Variants in NUMBL observed in about 807,000 individuals in gnomAD.
NUMBL encodes the protein numb-like protein.
Under a neutral mutation model 48.9 loss-of-function variants are expected in NUMBL, and 20 were observed. The ratio of observed to expected loss-of-function variants is 0.41; its 90% CI spans 0.29 to 0.59. The LOEUF (loss-of-function observed/expected upper bound fraction) is 0.59, where lower values mean the gene tolerates loss of function less well. Among genes scored for constraint, NUMBL ranks in the 20% least tolerant of loss-of-function variants. NUMBL has a pLI of 0.31. For missense variants in NUMBL, 660 were observed against 846.2 expected, an observed-to-expected ratio of 0.78 and a Z score of 2.73; for synonymous variants, 340 against 348.7, an observed-to-expected ratio of 0.98 and a Z score of 0.28.
chr19:40,672,388 C>T (rs2081853004), intron 8 of NUMBL, among the ~76,000 whole-genome samples: 1 of 152,158 alleles, frequency 6.6e-6, no homozygotes, highest in South Asian at 2.1e-4. Flanking sequence ...AAAACAGGAC[C>T]TTTATATCTC....
rs199956156 is a variant in NUMBL, at chr19:40,667,828, A to C, written c.1470T>G (p.Phe490Leu). ...AGCCCAAGCCCGGGTAGGCGGGCAC[A>C]AAAGGGGGCTGCATGTGTGGGGGTG... Reference protein sequence around the residue: ...FLPPPHMQPPFVPAYPGLGYP... With the variant: ...FLPPPHMQPPLVPAYPGLGYP... Residue 490 changes from phenylalanine (F) to leucine (L), a missense_variant, in exon 10 of 10, where the codon TTT (phenylalanine) becomes TTG (leucine). By Grantham distance (22) the Phe-to-Leu change is conservative (BLOSUM62 0). Coordinates refer to ENST00000252891, the MANE Select transcript of NUMBL (RefSeq NM_004756.5). This position sits in a 1 kb window ranked among gnomAD's most constrained non-coding sequence, Gnocchi z 6.1. The C allele has an allele frequency of 6.4e-3, 10,187 of 1,589,742 alleles. 45 individuals carry two copies. Among genetic ancestry groups the C allele is most frequent in the Non-Finnish European group, 7.3e-3 (8,563 of 1,168,464 alleles).
chr19:40,679,781 A>ACAAAG (rs1041662853), intron 6 of NUMBL, among the ~76,000 whole-genome samples: 1 of 152,186 alleles, frequency 6.6e-6, no homozygotes, highest in African/African-American at 2.4e-5. Flanking sequence ...CCACAGAGAG[A>ACAAAG]CAAAGCAGAT....
chr19:40,677,199 C>G, intron 7 of NUMBL, 33 bp downstream of exon 7: 1 of 1,547,734 alleles, frequency 6.5e-7, no homozygotes, highest in Non-Finnish European at 8.7e-7. Context: ...TGTGCCCACT[C>G]TGTGCTCTGC....
intron 7 of NUMBL, among the ~76,000 whole-genome samples, chr19:40,676,768 G>GCC (rs895762805): frequency 1.3e-5 from 2 of 151,746 alleles, no homozygotes; most frequent in African/African-American, 4.8e-5. Context: ...CACTTGGTGC[G>GCC]CCCTTAGAAT....
intron 9 of NUMBL, among the ~76,000 whole-genome samples, chr19:40,668,585 A>C (rs894472527): frequency 6.6e-6 from 1 of 151,984 alleles, no homozygotes; most frequent in African/African-American, 2.4e-5. Context: ...CAGTCTCCTG[A>C]GTAGCTGGGA....
Position 40,690,559 on chromosome 19 carries a change from C to G in NUMBL, c.-76G>C. 1 of 950,150 alleles carries G rather than the reference C, an allele frequency of 1.1e-6. No homozygotes were observed. The highest frequency in any genetic ancestry group is 1.4e-6 in the Non-Finnish European group (1 of 733,606). The allele number at this position is 950,150 out of a possible 1,614,324, so 58.9% of individuals were successfully genotyped here. A position where few individuals can be genotyped will look rare whatever the true frequency, so the allele number is the denominator to read the frequency against. On this transcript the variant is annotated 5_prime_UTR_variant, in exon 1 of 10. Transcript: ENST00000252891. ...CCGACTGCTGCTGCTGCGGTGGTGG[C>G]GGCGGCAGCTCGGTCTGACGCCGGC...
rs767929280 is a variant in NUMBL at position 40,666,139 on chromosome 19, G to GTTTTTTTTTTTTTTTTTTTTT, written c.*1328_*1329insAAAAAAAAAAAAAAAAAAAAA. The GTTTTTTTTTTTTTTTTTTTTT allele has an allele frequency of 6.4e-5, 8 of 125,966 alleles. No homozygotes were observed. The highest frequency in any genetic ancestry group is 4.9e-5 in the Non-Finnish European group (3 of 60,734). 7.8% of individuals were successfully genotyped at this position (125,966 alleles called of 1,614,324 possible). ...ATTAATATTGAGCTAATTAGAAGTA[G>GTTTTTTTTTTTTTTTTTTTTT]TTTTTTTTTTTTTGTTTTTTTTTTT... On this transcript the variant is annotated 3_prime_UTR_variant, in exon 10 of 10. Transcript: ENST00000252891.
chr19:40,676,814 A>T (rs1357076834), intron 7 of NUMBL, among the ~76,000 whole-genome samples: 2 of 151,410 alleles, frequency 1.3e-5, no homozygotes, highest in African/African-American at 4.9e-5. Flanking sequence ...AAGTTGCTTT[A>T]TTTATTTATT....
chr19:40,677,490 G>C (rs2081883510), intron 6 of NUMBL, 69 bp from the exon 7 acceptor site: 1 of 1,443,280 alleles, frequency 6.9e-7, no homozygotes, highest in African/African-American at 1.4e-5. Context: ...GGGGCACTGG[G>C]TTATAGCCGC....
intron 6 of NUMBL, 91 bp downstream of exon 6, chr19:40,680,826 G>A: frequency 7.2e-7 from 1 of 1,385,986 alleles, no homozygotes; most frequent in Non-Finnish European, 1.0e-6. Context: ...ACAGAGGTTA[G>A]TGATGTGCCT....
At position 40,667,661 on chromosome 19, in the gene NUMBL, G is replaced by T; in HGVS notation, c.1637C>A (p.Pro546His). 1 of 1,565,400 alleles carries T rather than the reference G, an allele frequency of 6.4e-7. No homozygotes were observed. Among genetic ancestry groups the T allele is most frequent in the Non-Finnish European group, 8.7e-7 (1 of 1,155,110 alleles). Reference sequence around the variant, plus strand: ...GCGGGCCTGGCTCCCAGGGGCACTGGGTATGGCAGGGGGCGGGAAGGCCCC... The same window carrying T: ...GCGGGCCTGGCTCCCAGGGGCACTGTGTATGGCAGGGGGCGGGAAGGCCCC... Reference protein sequence around the residue: ...KAGAFPPPAIPSAPGSQARPR... With the variant: ...KAGAFPPPAIHSAPGSQARPR... The change falls in exon 10 of 10, where the codon CCC (proline) becomes CAC (histidine). Residue 546 changes from proline (P) to histidine (H), a missense_variant. Coordinates refer to ENST00000252891, the MANE Select transcript of NUMBL (RefSeq NM_004756.5). The surrounding 1 kb of genome is among the most constrained non-coding windows in gnomAD (Gnocchi z 6.1).
chr19:40,688,337 A>T lies in NUMBL; in HGVS notation c.25-1342T>A, dbSNP rs1219179479. ...ACAGGTGCACAAAGTCACAAGCCCC[A>T]CCTACACACATATCTCACACATAGA... On this transcript the variant is annotated intron_variant, in intron 1 of 9. Transcript: ENST00000252891. The surrounding 1 kb of genome is among the most constrained non-coding windows in gnomAD (Gnocchi z 4.6). Among the ~76,000 whole-genome samples the T allele has an allele frequency of 2.6e-5, 4 of 152,162 alleles. No homozygotes were observed. Among genetic ancestry groups the T allele is most frequent in the Non-Finnish European group, 4.4e-5 (3 of 68,034 alleles).
At position 40,677,279 on chromosome 19, in the gene NUMBL, G is replaced by A. The variant is rs1216822402; in HGVS notation, c.683C>T (p.Ser228Phe). The A allele has an allele frequency of 6.2e-7, 1 of 1,602,250 alleles. No homozygotes were observed. The highest frequency in any genetic ancestry group is 8.5e-7 in the Non-Finnish European group (1 of 1,175,158). The change falls in exon 7 of 10, where the codon TCT becomes TTT. Residue 228 changes from serine to phenylalanine, a missense_variant. Physicochemically the swap from Ser to Phe is radical, Grantham distance 155. This residue lies in a region of NUMBL where 278 missense variants were observed against 420.6 expected (regional missense o/e 0.66). Coordinates refer to ENST00000252891, the MANE Select transcript of NUMBL (RefSeq NM_004756.5). ...TCGCTCAGCAGGCCGCCCACCCCCA[G>A]ACAGGCGGAAGGAGCCCTCGCGGGC... ...SFAREGSFRL[S>F]GGGRPAEREA...
Position 40,667,194 on chromosome 19 carries a change from T to G in NUMBL, c.*274A>C. 1 of 464,860 alleles carries G rather than the reference T, an allele frequency of 2.2e-6. No homozygotes were observed. Among genetic ancestry groups the G allele is most frequent in the Non-Finnish European group, 3.9e-6 (1 of 255,050 alleles). The allele number at this position is 464,860 out of a possible 1,614,324, so 28.8% of individuals were successfully genotyped here. On this transcript the variant is annotated 3_prime_UTR_variant, in exon 10 of 10. Transcript: ENST00000252891. This position sits in a 1 kb window ranked among gnomAD's most constrained non-coding sequence, Gnocchi z 6.1. ...ATTCAGTGGGATTGTGGCCAACCCC[T>G]GTGTCTGGGGTTGGGGAAGGGGGCA...
intron 7 of NUMBL, among the ~76,000 whole-genome samples, chr19:40,674,048 C>T (rs1479791053): frequency 6.6e-6 from 1 of 152,212 alleles, no homozygotes; most frequent in Non-Finnish European, 1.5e-5. Context: ...ATCCACACGA[C>T]TACCCATGGG....
intron 8 of NUMBL, among the ~76,000 whole-genome samples, 183 bp from the exon 9 acceptor site, chr19:40,670,203 G>A (rs1345999053): frequency 1.3e-5 from 2 of 152,192 alleles, no homozygotes; most frequent in African/African-American, 2.4e-5. Context: ...GCGGCAGAAC[G>A]ACTGAGTTAG....
chr19:40,677,579 A>C (rs1212082796), intron 6 of NUMBL, among the ~76,000 whole-genome samples, 158 bp from the exon 7 acceptor site: 1 of 152,198 alleles, frequency 6.6e-6, no homozygotes, highest in Non-Finnish European at 1.5e-5. Context: ...GAAGGGCTGG[A>C]AATGACAGCT....
In NUMBL at chr19:40,667,602, G is replaced by A. The variant is rs1368156833; in HGVS notation, c.1696C>T (p.Pro566Ser). The A allele has an allele frequency of 1.3e-6, 2 of 1,554,840 alleles. No homozygotes were observed. Among genetic ancestry groups the A allele is most frequent in the Admixed American group, 2.0e-5 (1 of 51,232 alleles). Residue 566 changes from proline to serine, a missense_variant, in exon 10 of 10, where the codon CCA becomes TCA. Physicochemically the swap from Pro to Ser is moderately conservative, Grantham distance 74 (BLOSUM62 -1). Around this residue, in one of 3 missense-constraint regions of NUMBL, gnomAD observed 296 missense variants for 339.7 expected, o/e 0.87. Coordinates refer to ENST00000252891, the MANE Select transcript of NUMBL (RefSeq NM_004756.5). The surrounding 1 kb of genome is among the most constrained non-coding windows in gnomAD (Gnocchi z 6.1). The part of the protein sequence containing the change: ...RPNGAPWPPE[P>S]APAPAPELDP... ...AACTCTGGAGCTGGGGCAGGCGCTGGCTCAGGGGGCCAGGGGGCCCCATTG... is the reference window on the plus strand; with the variant it reads ...AACTCTGGAGCTGGGGCAGGCGCTGACTCAGGGGGCCAGGGGGCCCCATTG...
intron 3 of NUMBL, 111 bp from the exon 4 acceptor site, chr19:40,683,079 T>C (rs1298703721): frequency 1.1e-6 from 1 of 937,794 alleles, no homozygotes; most frequent in African/African-American, 1.6e-5. Flanking sequence ...GCACATGATG[T>C]GTATGCAATC....
Sources: allele counts gnomAD v4.1 joint callset (sites outside exome capture counted in the v4.1 genomes callset), GRCh38; gene constraint gnomAD v4.1.1; regional missense constraint gnomAD v4.1.1; non-coding constraint Gnocchi (gnomAD v3.1); transcripts MANE v1.5; gene names NCBI Gene and HGNC (gene_info 2026-07-23, HGNC 2026-07-21).